ESYT2: variants seen among roughly 807,000 people sequenced by gnomAD.
ESYT2 encodes the protein extended synaptotagmin 2.
A neutral mutation model predicts 107.2 loss-of-function variants in ESYT2; 54 were observed. The ratio of observed to expected loss-of-function variants is 0.50; its 90% confidence interval spans 0.40 to 0.63. The LOEUF (loss-of-function observed/expected upper bound fraction) is 0.63. Among genes scored for constraint, ESYT2 ranks in the 30% least tolerant of loss-of-function variants. The probability of loss-of-function intolerance (pLI) is 0.00; values close to 1 mark genes in which losing one functional copy is unlikely to be tolerated. For missense variants in ESYT2, 1,020 were observed against 1,094.5 expected (o/e 0.93, Z 0.96); for synonymous variants, 491 against 434.1 (o/e 1.13, Z -1.63).
At chr7:158,800,289 C>T (rs1584867205) in intron 1 of ESYT2, among the ~76,000 whole-genome samples, 1 of 152,116 alleles carries the variant, frequency 6.6e-6, no homozygotes, top group African/African-American at 2.4e-5. Context: ...CCTCGTGATC[C>T]GCCTGCCTCT....
At chr7:158,739,346 CTTTT>C (rs1837104115) in intron 18 of ESYT2, among the ~76,000 whole-genome samples, 1 of 152,076 alleles carries the variant, frequency 6.6e-6, no homozygotes, top group African/African-American at 2.4e-5. Flanking sequence ...GACATTATTT[CTTTT>C]GTTTTTGTTT....
In ESYT2 at chr7:158,735,405, C is replaced by T. The variant is rs1450966648; in HGVS notation, c.2505+98G>A. The T allele has an allele frequency of 3.1e-6, 3 of 952,578 alleles. No individual in the cohort carries two copies. In the African/African-American group the frequency reaches 5.0e-5, roughly 16 times the overall value. The allele number at this position is 952,578 out of a possible 1,614,324, so 59.0% of individuals were successfully genotyped here. On this transcript the variant is annotated intron_variant, in intron 21 of 22. Coordinates refer to ENST00000275418, the MANE Select transcript of ESYT2 (RefSeq NM_001367773.1). ...CAAGCATCGACCTCGTAAGTTCGCCCCTTCCACTTACACAGACATGGTCTA... is the reference window on the plus strand; with the variant it reads ...CAAGCATCGACCTCGTAAGTTCGCCTCTTCCACTTACACAGACATGGTCTA...
At chr7:158,800,501 C>T (rs1246236915) in intron 1 of ESYT2, among the ~76,000 whole-genome samples, 2 of 151,996 alleles carry the variant, frequency 1.3e-5, no homozygotes, top group Non-Finnish European at 2.9e-5. Flanking sequence ...GTGATCCTCC[C>T]GCCTCAGCTT....
At chr7:158,768,201 A>G (rs2129472361) in intron 7 of ESYT2, among the ~76,000 whole-genome samples, 1 of 152,342 alleles carries the variant, frequency 6.6e-6, no homozygotes, top group Non-Finnish European at 1.5e-5. Flanking sequence ...ACATACATAT[A>G]AGTACAGAGA....
intron 4 of ESYT2, among the ~76,000 whole-genome samples, chr7:158,792,771 T>TG (rs1321869185): frequency 1.4e-5 from 2 of 142,446 alleles, no homozygotes; most frequent in Non-Finnish European, 3.1e-5. Flanking sequence ...GGGGTTTTTT[T>TG]TTTTTTTTTT....
chr7:158,768,565 G>A (rs537006588), intron 7 of ESYT2, among the ~76,000 whole-genome samples: 191 of 152,216 alleles, frequency 1.3e-3, no homozygotes, highest in Non-Finnish European at 1.9e-3. Context: ...GATTACAGGC[G>A]CGCACCACCA....
chr7:158,738,061 A>G (rs1837030432), intron 19 of ESYT2, among the ~76,000 whole-genome samples: 1 of 152,092 alleles, frequency 6.6e-6, no homozygotes, highest in South Asian at 2.1e-4. Flanking sequence ...TCTCCATAAA[A>G]AAATTAAAAA....
intron 13 of ESYT2, among the ~76,000 whole-genome samples, chr7:158,755,888 C>A (rs543877404): frequency 2.0e-5 from 3 of 152,038 alleles, no homozygotes; most frequent in Non-Finnish European, 4.4e-5. Context: ...GAGAGGGGAG[C>A]GATAGCATTA....
In ESYT2 at chr7:158,738,956, TAC is replaced by T. The variant is rs1837086427; in HGVS notation, c.2267+65_2267+66del. 3 of 1,450,280 alleles carry T rather than the reference TAC, an allele frequency of 2.1e-6. No individual in the cohort carries two copies. In the South Asian group the frequency reaches 3.5e-5, roughly 17 times the overall value. 89.8% of individuals were successfully genotyped at this position (1,450,280 alleles called of 1,614,324 possible). ...GTTTGGAAATCCTAAAGGCGGTGTC[TAC>T]ATCATCCTATCCAGCATCCACACTC... is the stretch of plus-strand genomic sequence containing the variant. On this transcript the variant is annotated intron_variant, in intron 19 of 22. Transcript: ENST00000275418.
At chr7:158,736,198 C>G (rs144036896) in intron 20 of ESYT2, among the ~76,000 whole-genome samples, 4 of 151,380 alleles carry the variant, frequency 2.6e-5, no homozygotes, top group Non-Finnish European at 4.4e-5. Context: ...TTAAATGCCT[C>G]GGATGGGTAG....
rs888820665 is a variant in ESYT2, at chr7:158,733,359, G to T, written c.*848C>A. 1 of 152,126 alleles carries T rather than the reference G, an allele frequency of 6.6e-6. No individual in the cohort carries two copies. The highest frequency in any genetic ancestry group is 1.5e-5 in the Non-Finnish European group (1 of 68,018). The allele number at this position is 152,126 out of a possible 1,614,324, so 9.4% of individuals were successfully genotyped here. A position where few individuals can be genotyped will look rare whatever the true frequency, so the allele number is the denominator to read the frequency against. On this transcript the variant is annotated 3_prime_UTR_variant, in exon 23 of 23. Transcript: ENST00000275418. ...CTGATTGTTTGACAACAGCTTAATTGCTAACATTGAAAGTCTGCTCTTACA... is the reference window on the plus strand; with the variant it reads ...CTGATTGTTTGACAACAGCTTAATTTCTAACATTGAAAGTCTGCTCTTACA...
chr7:158,756,150 C>G (rs1347391505), intron 13 of ESYT2, among the ~76,000 whole-genome samples: 1 of 152,138 alleles, frequency 6.6e-6, no homozygotes, highest in Non-Finnish European at 1.5e-5. Context: ...AATGAAAACT[C>G]TACAAAAATG....
intron 16 of ESYT2, among the ~76,000 whole-genome samples, chr7:158,746,884 T>C (rs1266358630): frequency 6.6e-6 from 1 of 151,842 alleles, no homozygotes; most frequent in African/African-American, 2.4e-5. Flanking sequence ...AAAATAATTC[T>C]CTACAAAAAA....
chr7:158,782,339 GGT>G (rs1254485121), intron 6 of ESYT2, among the ~76,000 whole-genome samples: 51 of 132,962 alleles, frequency 3.8e-4, no homozygotes, highest in African/African-American at 9.6e-4. Flanking sequence ...AACAGTGTGA[GGT>G]GTGAGTGTAA....
intron 13 of ESYT2, among the ~76,000 whole-genome samples, chr7:158,753,715 C>T (rs552996901): frequency 6.7e-5 from 10 of 148,200 alleles, no homozygotes; most frequent in Non-Finnish European, 1.2e-4. Flanking sequence ...ATGGAACATG[C>T]GGCCAGGCAG....
chr7:158,781,958 AACGAGTGTGAGAACAAAGTGTGAGATGT>A (rs1838848577), intron 6 of ESYT2, among the ~76,000 whole-genome samples: 1 of 125,812 alleles, frequency 7.9e-6, no homozygotes, highest in Non-Finnish European at 1.7e-5. Flanking sequence ...AACAAGTGTG[AACGAGTGTGAGAACAAAGTGTGAGATGT>A]GTGTAATTAC....
At position 158,749,729 on chromosome 7, in the gene ESYT2, CA is replaced by C. The variant is rs1439403333; in HGVS notation, c.1483-7del. On this transcript the variant is annotated splice_polypyrimidine_tract_variant and splice_region_variant and intron_variant, in intron 14 of 22. Transcript: ENST00000275418. ...CTGCTTATTTTCTTCCCTGACTACC[CA>C]AAACAAACAGAAAACAGACAAAATA... 3 of 1,612,366 alleles carry C rather than the reference CA, an allele frequency of 1.9e-6. No homozygotes were observed. Among genetic ancestry groups the C allele is most frequent in the Non-Finnish European group, 1.7e-6 (2 of 1,179,410 alleles).
chr7:158,773,299 G>A lies in ESYT2; in HGVS notation c.803+42C>T, dbSNP rs544703136. On this transcript the variant is annotated intron_variant, in intron 7 of 22. Coordinates refer to ENST00000275418, the MANE Select transcript of ESYT2 (RefSeq NM_001367773.1). ...TCAAGACATCCAAAATGCACAACAC[G>A]CCCTCGAACGCTAAGCCTCCGGGAC... 2.9e-5 allele frequency: 46 copies of A among 1,607,736 alleles called. No homozygotes were observed. The African/African-American group carries it at 3.3e-4, about 12-fold the overall frequency.
At chr7:158,817,019 G>T (rs772913370) in intron 1 of ESYT2, among the ~76,000 whole-genome samples, 7 of 152,194 alleles carry the variant, frequency 4.6e-5, no homozygotes, top group African/African-American at 9.6e-5. Flanking sequence ...ACTTCTAATT[G>T]TGTATAAATA....
Sources: gnomAD v4.1 joint callset for allele counts (sites outside exome capture counted in the v4.1 genomes callset) on GRCh38, gnomAD v4.1.1 for gene constraint, MANE v1.5 for transcripts, NCBI Gene and HGNC (gene_info 2026-07-23, HGNC 2026-07-21) for gene names.